Variants in ADCY9 observed in about 807,000 individuals in gnomAD.
ADCY9 encodes adenylate cyclase type 9.
A neutral mutation model predicts 101.5 loss-of-function variants in ADCY9; 50 were observed. The observed-to-expected ratio is 0.49, with a 90% CI of 0.39 to 0.62. The LOEUF (loss-of-function observed/expected upper bound fraction) is 0.62. Among genes scored for constraint, ADCY9 ranks in the 20% least tolerant of loss-of-function variants. The pLI, the probability that ADCY9 is intolerant of heterozygous loss-of-function variation, is 0.00. For synonymous variants in ADCY9, 905 were observed against 769.3 expected, an observed-to-expected ratio of 1.18 and a Z score of -2.92; for missense variants, 1,662 against 1,800.4, an observed-to-expected ratio of 0.92 and a Z score of 1.39.
intron 2 of ADCY9, among the ~76,000 whole-genome samples, chr16:4,077,340 G>C (rs1368864574): frequency 6.6e-6 from 1 of 152,124 alleles, no homozygotes; most frequent in African/African-American, 2.4e-5. Flanking sequence ...AGGGTTTTCA[G>C]GTGGTCTTTC....
At chr16:4,020,678 T>G (rs1040048718) in intron 2 of ADCY9, among the ~76,000 whole-genome samples, 1 of 151,878 alleles carries the variant, frequency 6.6e-6, no homozygotes, top group East Asian at 1.9e-4. Context: ...TACAAAAAAT[T>G]AGCTGGGCTT....
chr16:4,050,080 G>C (rs1008192785), intron 2 of ADCY9, among the ~76,000 whole-genome samples: 1 of 152,070 alleles, frequency 6.6e-6, no homozygotes, highest in African/African-American at 2.4e-5. Flanking sequence ...GGGCCGAAGT[G>C]GGGGTGGGGA....
At chr16:4,051,522 TAA>T (rs537295838) in intron 2 of ADCY9, among the ~76,000 whole-genome samples, 69 of 122,122 alleles carry the variant, frequency 5.7e-4, no homozygotes, top group Non-Finnish European at 5.7e-4. Context: ...AGACTCCATC[TAA>T]AAAAAAAAAA....
chr16:3,963,393 G>A lies in ADCY9; in HGVS notation c.*2382C>T, dbSNP rs1011693604. 7.5e-6 allele frequency: 3 copies of A among 398,738 alleles called. No individual in the cohort carries two copies. The Admixed American group carries it at 1.3e-4, about 18-fold the overall frequency. The allele number at this position is 398,738 out of a possible 1,614,324, so 24.7% of individuals were successfully genotyped here. A position where few individuals can be genotyped will look rare whatever the true frequency, so the allele number is the denominator to read the frequency against. ...ACGGCGTTTCCGCTGCAGAGATTCT[G>A]TGGTTCTGCACTGAGGTATGCATCG... On this transcript the variant is annotated 3_prime_UTR_variant, in exon 11 of 11. Coordinates refer to ENST00000294016, the MANE Select transcript of ADCY9 (RefSeq NM_001116.4).
Position 4,115,633 on chromosome 16 carries a change from T to TCC in ADCY9, c.-44+55_-44+56dup. 1 of 682,320 alleles carries TCC rather than the reference T, an allele frequency of 1.5e-6. No homozygotes were observed. Among genetic ancestry groups the TCC allele is most frequent in the South Asian group, 2.4e-5 (1 of 42,158 alleles). The allele number at this position is 682,320 out of a possible 1,614,324, so 42.3% of individuals were successfully genotyped here. A position where few individuals can be genotyped will look rare whatever the true frequency, so the allele number is the denominator to read the frequency against. On this transcript the variant is annotated intron_variant, in intron 1 of 10. Coordinates refer to ENST00000294016, the MANE Select transcript of ADCY9 (RefSeq NM_001116.4). The surrounding 1 kb of genome is among the most constrained non-coding windows in gnomAD (Gnocchi z 6.2). Reference sequence around the variant, plus strand: ...CCTGTGGTTCCCGGCTCAGCGGTGCTCCCACCGCCCCCACCGCCCCCACCT... The same window carrying TCC: ...CCTGTGGTTCCCGGCTCAGCGGTGCTCCCCCACCGCCCCCACCGCCCCCACCT...
At position 3,965,904 on chromosome 16, in the gene ADCY9, C is replaced by T. The variant is rs771056818; in HGVS notation, c.3933G>A (p.Pro1311=). The T allele has an allele frequency of 5.0e-5, 80 of 1,614,080 alleles. No homozygotes were observed. Among genetic ancestry groups the T allele is most frequent in the Middle Eastern group, 1.6e-4 (1 of 6,084 alleles). The change falls in exon 11 of 11, where the codon CCG becomes CCA. Residue 1311 remains proline (P), a synonymous_variant. Transcript: ENST00000294016. ...CTTCGGCTTTGACGGGCTCCTTCCA[C>T]GGTCTCTTGGGGGACAGGTGGGCAT... is the stretch of plus-strand genomic sequence containing the variant. ...AKDAHLSPKR[P]WKEPVKAEER... is the part of the protein sequence containing the mutation.
intron 5 of ADCY9, among the ~76,000 whole-genome samples, chr16:3,954,595 G>A (rs1191475459): frequency 2.0e-5 from 3 of 152,218 alleles, no homozygotes; most frequent in African/African-American, 2.4e-5. Flanking sequence ...ACCAGGAAAA[G>A]CGTCAGAAAC....
intron 2 of ADCY9, among the ~76,000 whole-genome samples, chr16:4,102,133 G>A (rs979612280): frequency 3.9e-5 from 6 of 152,250 alleles, no homozygotes; most frequent in Admixed American, 1.3e-4. Flanking sequence ...CTCAGCCAGC[G>A]GGGAGCGTTA....
intron 2 of ADCY9, among the ~76,000 whole-genome samples, chr16:4,042,336 G>C (rs1297469684): frequency 6.6e-6 from 1 of 152,102 alleles, no homozygotes; most frequent in Non-Finnish European, 1.5e-5. Flanking sequence ...AAAGTGCTGG[G>C]ATTACATGTG....
intron 2 of ADCY9, among the ~76,000 whole-genome samples, chr16:4,105,905 T>A (rs2057074124): frequency 6.6e-6 from 1 of 151,068 alleles, no homozygotes; most frequent in African/African-American, 2.4e-5. Context: ...GAGGAAGGCA[T>A]ATAAGCTAGG....
chr16:4,102,645 G>A (rs375538155), intron 2 of ADCY9, among the ~76,000 whole-genome samples: 1 of 151,724 alleles, frequency 6.6e-6, no homozygotes, highest in Non-Finnish European at 1.5e-5. Flanking sequence ...GGCTGGTCTC[G>A]AACTCCCGAC....
intron 2 of ADCY9, among the ~76,000 whole-genome samples, chr16:4,113,393 A>C (rs921875354): frequency 3.3e-5 from 5 of 152,198 alleles, no homozygotes; most frequent in Non-Finnish European, 5.9e-5. Flanking sequence ...AATGAATGCA[A>C]AGGCAATTTC....
At chr16:4,080,744 A>G (rs2056896704) in intron 2 of ADCY9, among the ~76,000 whole-genome samples, 1 of 150,684 alleles carries the variant, frequency 6.6e-6, no homozygotes, top group Non-Finnish European at 1.5e-5. Flanking sequence ...AAAAATATCA[A>G]TTTTATGCTC....
intron 2 of ADCY9, among the ~76,000 whole-genome samples, chr16:4,066,368 G>C (rs2056801343): frequency 6.6e-6 from 1 of 151,978 alleles, no homozygotes; most frequent in Admixed American, 6.6e-5. Flanking sequence ...TCTCTCTAGT[G>C]ACTGAGCAGT....
intron 10 of ADCY9, among the ~76,000 whole-genome samples, chr16:3,967,860 G>C (rs575672979): frequency 1.3e-5 from 2 of 151,910 alleles, no homozygotes; most frequent in African/African-American, 4.8e-5. Flanking sequence ...ACCATGCCTG[G>C]CTAATTTTTG....
chr16:3,957,500 G>A (rs1597126119), intron 5 of ADCY9, among the ~76,000 whole-genome samples: 1 of 152,146 alleles, frequency 6.6e-6, no homozygotes, highest in Admixed American at 6.5e-5. Context: ...GGGTGATGGC[G>A]GAATGGGGGT....
intron 2 of ADCY9, among the ~76,000 whole-genome samples, chr16:4,085,218 G>A (rs542902520): frequency 8.5e-5 from 13 of 152,150 alleles, no homozygotes; most frequent in East Asian, 7.7e-4. Context: ...AAAAATTAGC[G>A]GGGCATGGTG....
chr16:4,000,964 T>TACACACACACACA (rs1284156698), intron 3 of ADCY9, among the ~76,000 whole-genome samples: 1 of 44,944 alleles, frequency 2.2e-5, no homozygotes, highest in Non-Finnish European at 5.5e-5. Context: ...TCCATCCCTC[T>TACACACACACACA]CTCTACACAC....
At chr16:4,026,540 C>T (rs1486436126) in intron 2 of ADCY9, among the ~76,000 whole-genome samples, 1 of 152,016 alleles carries the variant, frequency 6.6e-6, no homozygotes, top group Non-Finnish European at 1.5e-5. Context: ...ACGCTGTACG[C>T]AAATGTTTGT....
Sources: gnomAD v4.1 joint callset for allele counts (sites outside exome capture counted in the v4.1 genomes callset) on GRCh38, gnomAD v4.1.1 for gene constraint, Gnocchi (gnomAD v3.1) non-coding constraint, MANE v1.5 for transcripts, NCBI Gene and HGNC (gene_info 2026-07-23, HGNC 2026-07-21) for gene names.